Variants in PCDH10 observed in about 807,000 individuals in gnomAD.
PCDH10 encodes the protein protocadherin 10.
A neutral mutation model predicts 74.4 loss-of-function variants in PCDH10; 15 were observed. The observed-to-expected ratio is 0.20, with a 90% confidence interval of 0.13 to 0.31. PCDH10 has a LOEUF of 0.31. Ranked by LOEUF, PCDH10 falls within the 10% of genes least tolerant of loss-of-function variation. The probability of loss-of-function intolerance (pLI) is 1.00; values close to 1 mark genes in which losing one functional copy is unlikely to be tolerated. For missense variants in PCDH10, 1,260 were observed against 1,390.2 expected (o/e 0.91, Z 1.49); for synonymous variants, 619 against 589.8 (o/e 1.05, Z -0.72).
At chr4:133,184,084 C>T (rs1000216188) in intron 4 of PCDH10, among the ~76,000 whole-genome samples, 4 of 152,040 alleles carry the variant, frequency 2.6e-5, no homozygotes, top group Non-Finnish European at 5.9e-5. Context: ...GTATTTCTCA[C>T]ATTAATGGTC....
downstream of PCDH10, among the ~76,000 whole-genome samples, chr4:133,198,062 ATAT>A (rs1291811027): frequency 6.6e-6 from 1 of 151,782 alleles, no homozygotes; most frequent in African/African-American, 2.4e-5. Flanking sequence ...ATAAAAGATA[ATAT>A]TATAGGTAAA....
intron 4 of PCDH10, among the ~76,000 whole-genome samples, chr4:133,164,414 A>G (rs1241506177): frequency 1.3e-5 from 2 of 152,034 alleles, no homozygotes; most frequent in Non-Finnish European, 2.9e-5. Context: ...ACTTTTCCAA[A>G]TTTTAAACAG....
At chr4:133,177,923 G>T (rs1452261193) in intron 4 of PCDH10, among the ~76,000 whole-genome samples, 1 of 152,124 alleles carries the variant, frequency 6.6e-6, no homozygotes, top group African/African-American at 2.4e-5. Context: ...AGAATTTGCA[G>T]AGCTCACTTT....
rs149439832 is a variant in PCDH10 at position 133,150,974 on chromosome 4, C to T, written c.834C>T (p.Asp278=). Residue 278 remains aspartate (D), a synonymous_variant, in exon 1 of 5, where the codon GAC becomes GAT. Coordinates refer to ENST00000264360, the MANE Select transcript of PCDH10 (RefSeq NM_032961.3). ...TCCAGCTCAACGCCACCGACCCGGA[C>T]GAGGGCCAGAACGGTGAGGTCGTGT... is the stretch of plus-strand genomic sequence containing the variant. ...LVIQLNATDP[D]EGQNGEVVYS... The T allele has an allele frequency of 8.1e-6, 13 of 1,613,766 alleles. No individual in the cohort carries two copies. Among genetic ancestry groups the T allele is most frequent in the Non-Finnish European group, 1.1e-5 (13 of 1,180,006 alleles).
At chr4:133,166,968 C>T (rs1350599269) in intron 4 of PCDH10, among the ~76,000 whole-genome samples, 1 of 151,402 alleles carries the variant, frequency 6.6e-6, no homozygotes, top group Non-Finnish European at 1.5e-5. Context: ...TTTCTAGAGT[C>T]TAAAGGGAAC....
chr4:133,191,266 T>A lies in PCDH10; in HGVS notation c.*1106T>A. On this transcript the variant is annotated 3_prime_UTR_variant, in exon 5 of 5. Transcript: ENST00000264360. ...TCAGTCATATCACTCACACAGAATTTTATTTTACATAGTTTTGTGACTTAA... is the reference window on the plus strand; with the variant it reads ...TCAGTCATATCACTCACACAGAATTATATTTTACATAGTTTTGTGACTTAA... 1 of 152,230 alleles carries A rather than the reference T, an allele frequency of 6.6e-6. No individual in the cohort carries two copies. Among genetic ancestry groups the A allele is most frequent in the East Asian group, 1.9e-4 (1 of 5,198 alleles). The allele number at this position is 152,230 out of a possible 1,614,324, so 9.4% of individuals were successfully genotyped here.
intron 4 of PCDH10, among the ~76,000 whole-genome samples, chr4:133,186,971 A>T (rs1727552338): frequency 6.6e-6 from 1 of 152,004 alleles, no homozygotes; most frequent in Non-Finnish European, 1.5e-5. Flanking sequence ...GCTCGCCTCA[A>T]CCTCCCAAAT....
chr4:133,155,681 T>G (rs1210409587), intron 3 of PCDH10, among the ~76,000 whole-genome samples: 1 of 152,202 alleles, frequency 6.6e-6, no homozygotes, highest in Non-Finnish European at 1.5e-5. Context: ...AAAGGTGAAC[T>G]CTGAGTATAT....
chr4:133,197,018 G>A (rs766610498), downstream of PCDH10, among the ~76,000 whole-genome samples: 6 of 152,142 alleles, frequency 3.9e-5, no homozygotes, highest in Non-Finnish European at 8.8e-5. Context: ...GATGAAAGTA[G>A]ACTTGCCATT....
intron 4 of PCDH10, among the ~76,000 whole-genome samples, chr4:133,179,622 C>T (rs1204160706): frequency 6.6e-6 from 1 of 152,112 alleles, no homozygotes; most frequent in African/African-American, 2.4e-5. Context: ...AATGAGAAGA[C>T]TTCTCAGACA....
intron 4 of PCDH10, among the ~76,000 whole-genome samples, chr4:133,167,384 G>T (rs562522948): frequency 6.6e-6 from 1 of 151,534 alleles, no homozygotes; most frequent in African/African-American, 2.4e-5. Flanking sequence ...CAGTAAGAGC[G>T]TACATAGAAT....
At chr4:133,198,488 G>A (rs1365240452), downstream of PCDH10, among the ~76,000 whole-genome samples, 1 of 152,174 alleles carries the variant, frequency 6.6e-6, no homozygotes, top group African/African-American at 2.4e-5. Flanking sequence ...ATTTTAAAAT[G>A]TGGTAATATC....
intron 4 of PCDH10, 68 bp downstream of exon 4, chr4:133,163,350 T>A: frequency 7.2e-7 from 1 of 1,383,882 alleles, no homozygotes; most frequent in Non-Finnish European, 9.8e-7. Context: ...CATTCCACTC[T>A]TTTTGGTAAA....
At chr4:133,167,648 C>T (rs1727113700) in intron 4 of PCDH10, among the ~76,000 whole-genome samples, 1 of 151,370 alleles carries the variant, frequency 6.6e-6, no homozygotes, top group South Asian at 2.1e-4. Flanking sequence ...GATTAGTTCT[C>T]TTCCATGTTG....
In PCDH10 at chr4:133,190,265, G is replaced by A; in HGVS notation, c.*105G>A. ...ATCTTGGCCATCCAGTTAGTCATGT[G>A]TAACTGAGTATTAGATTTCGGATGG... is the stretch of plus-strand genomic sequence containing the variant. On this transcript the variant is annotated 3_prime_UTR_variant, in exon 5 of 5. Transcript: ENST00000264360. 1.0e-6 allele frequency: 1 copy of A among 966,786 alleles called. No homozygotes were observed. Among genetic ancestry groups the A allele is most frequent in the Admixed American group, 1.8e-5 (1 of 56,396 alleles). The allele number at this position is 966,786 out of a possible 1,614,324, so 59.9% of individuals were successfully genotyped here. A position where few individuals can be genotyped will look rare whatever the true frequency, so the allele number is the denominator to read the frequency against.
intron 4 of PCDH10, among the ~76,000 whole-genome samples, chr4:133,186,842 G>A (rs1266320107): frequency 2.6e-5 from 4 of 151,920 alleles, no homozygotes; most frequent in Non-Finnish European, 4.4e-5. Flanking sequence ...CTCAGCCTCC[G>A]AGGTAGCTGG....
downstream of PCDH10, among the ~76,000 whole-genome samples, chr4:133,197,856 C>CT (rs558316229): frequency 1.7e-3 from 256 of 152,122 alleles, 2 homozygotes; most frequent in African/African-American, 5.7e-3. Context: ...GCCCACAACT[C>CT]TAAATGTTAT....
chr4:133,155,979 G>C (rs2125860629), intron 3 of PCDH10, among the ~76,000 whole-genome samples: 1 of 152,286 alleles, frequency 6.6e-6, no homozygotes, highest in South Asian at 2.1e-4. Flanking sequence ...TGAAGAAATA[G>C]AAAGGCTAGT....
chr4:133,184,124 A>G (rs1032225793), intron 4 of PCDH10, among the ~76,000 whole-genome samples: 2 of 152,134 alleles, frequency 1.3e-5, no homozygotes, highest in South Asian at 2.1e-4. Context: ...TTTATTTTAC[A>G]AGATTTGCTT....
Sources: gnomAD v4.1 joint callset for allele counts (sites outside exome capture counted in the v4.1 genomes callset) on GRCh38, gnomAD v4.1.1 for gene constraint, MANE v1.5 for transcripts, NCBI Gene and HGNC (gene_info 2026-07-23, HGNC 2026-07-21) for gene names.